The following ANKRD12 variants were observed in gnomAD, a reference collection of about 807,000 sequenced individuals.
ANKRD12 encodes the protein ankyrin repeat domain 12, also known as ankyrin repeat domain-containing protein 12.
Under a neutral mutation model 183.4 loss-of-function variants are expected in ANKRD12, and 85 were observed. The ratio of observed to expected loss-of-function variants is 0.46; its 90% CI spans 0.39 to 0.56. ANKRD12 has a LOEUF of 0.56. Among genes scored for constraint, ANKRD12 ranks in the 20% least tolerant of loss-of-function variants. The probability of loss-of-function intolerance (pLI) is 0.00; values close to 1 mark genes in which losing one functional copy is unlikely to be tolerated. For synonymous variants in ANKRD12, 914 were observed against 800.2 expected (o/e 1.14, Z -2.40); for missense variants, 2,405 against 2,357.1 (o/e 1.02, Z -0.42).
intron 8 of ANKRD12, among the ~76,000 whole-genome samples, chr18:9,242,909 C>T (rs2037744853): frequency 6.6e-6 from 1 of 152,152 alleles, no homozygotes; most frequent in Non-Finnish European, 1.5e-5. Context: ...ATCTGGCATA[C>T]TTACCTCTGA....
intron 8 of ANKRD12, among the ~76,000 whole-genome samples, chr18:9,247,979 GT>G (rs1291553055): frequency 2.0e-5 from 3 of 152,066 alleles, no homozygotes; most frequent in Admixed American, 6.6e-5. Context: ...TAGAGACAGC[GT>G]TTCACCACAT....
chr18:9,230,529 C>T (rs1280525264), intron 8 of ANKRD12, among the ~76,000 whole-genome samples: 2 of 151,674 alleles, frequency 1.3e-5, no homozygotes, highest in Non-Finnish European at 2.9e-5. Context: ...TTTTTTAGTA[C>T]CTTGAGGTGT....
At chr18:9,218,117 G>T (rs1295000602) in intron 7 of ANKRD12, among the ~76,000 whole-genome samples, 1 of 152,144 alleles carries the variant, frequency 6.6e-6, no homozygotes. Context: ...GATAATAAAG[G>T]TTTCCCGATT....
In ANKRD12 at chr18:9,256,660, T is replaced by C; in HGVS notation, c.3393T>C (p.Thr1131=). The C allele has an allele frequency of 6.2e-7, 1 of 1,607,140 alleles. No homozygotes were observed. Among genetic ancestry groups the C allele is most frequent in the Non-Finnish European group, 8.5e-7 (1 of 1,178,436 alleles). Residue 1131 remains threonine (T), a synonymous_variant, in exon 9 of 13, where the codon ACT becomes ACC. Coordinates refer to ENST00000262126, the MANE Select transcript of ANKRD12 (RefSeq NM_015208.5). ...KDKEKTKHTP[T]ESKNKELTRS... ...AAGAAAAAACAAAGCATACACCAAC[T>C]GAATCCAAAAATAAAGAACTTACTA...
Position 9,281,750 on chromosome 18 carries a change from G to A in ANKRD12, c.*624G>A, listed in dbSNP as rs909842674. Reference sequence around the variant, plus strand: ...AAAGAAATACCTGTAAAACTGTTTTGTCTCATGTTTTATTGGACCAAAGTT... The same window carrying A: ...AAAGAAATACCTGTAAAACTGTTTTATCTCATGTTTTATTGGACCAAAGTT... On this transcript the variant is annotated 3_prime_UTR_variant, in exon 13 of 13. Coordinates refer to ENST00000262126, the MANE Select transcript of ANKRD12 (RefSeq NM_015208.5). The A allele has an allele frequency of 2.0e-5, 3 of 152,592 alleles. No homozygotes were observed. The highest frequency in any genetic ancestry group is 7.2e-5 in the African/African-American group (3 of 41,434). The allele number at this position is 152,592 out of a possible 1,614,324, so 9.5% of individuals were successfully genotyped here.
intron 5 of ANKRD12, among the ~76,000 whole-genome samples, chr18:9,209,512 G>T (rs1351002036): frequency 6.6e-6 from 1 of 152,118 alleles, no homozygotes; most frequent in Non-Finnish European, 1.5e-5. Flanking sequence ...AGTTTTTCCT[G>T]TATTGCCTCT....
Position 9,285,591 on chromosome 18 carries a change from A to G in ANKRD12, c.*4465A>G, listed in dbSNP as rs183633339. On this transcript the variant is annotated 3_prime_UTR_variant, in exon 13 of 13. Transcript: ENST00000262126. Reference sequence around the variant, plus strand: ...CAATAAAATTACCCAGATCTTAACTAGGCAGTTTGATAAATCCTGACAAAT... The same window carrying G: ...CAATAAAATTACCCAGATCTTAACTGGGCAGTTTGATAAATCCTGACAAAT... 170 of 152,288 alleles carry G rather than the reference A, an allele frequency of 1.1e-3. 1 individual carries two copies. The highest frequency in any genetic ancestry group is 3.9e-3 in the African/African-American group (160 of 41,556). The allele number at this position is 152,288 out of a possible 1,614,324, so 9.4% of individuals were successfully genotyped here.
At chr18:9,227,662 A>G (rs909606776) in intron 8 of ANKRD12, among the ~76,000 whole-genome samples, 6 of 152,222 alleles carry the variant, frequency 3.9e-5, no homozygotes, top group African/African-American at 1.4e-4. Flanking sequence ...TGAGTTTATT[A>G]TGATGATTTT....
intron 1 of ANKRD12, among the ~76,000 whole-genome samples, chr18:9,153,252 T>A (rs959354620): frequency 4.6e-5 from 7 of 152,264 alleles, no homozygotes; most frequent in African/African-American, 1.4e-4. Context: ...CCCTCAGGTA[T>A]AGCTGATAGC....
chr18:9,141,215 T>TGTGGTG (rs56166909), intron 1 of ANKRD12, among the ~76,000 whole-genome samples: 7 of 151,198 alleles, frequency 4.6e-5, no homozygotes, highest in African/African-American at 9.7e-5. Context: ...TACTTGTTGC[T>TGTGGTG]GTGGTGGTGG....
chr18:9,173,067 ATTTTTTT>A (rs35322750), intron 1 of ANKRD12, among the ~76,000 whole-genome samples: 3 of 122,238 alleles, frequency 2.5e-5, no homozygotes, highest in Non-Finnish European at 3.4e-5. Flanking sequence ...GAGGTTGCTG[ATTTTTTT>A]TTTTTTTTTT....
intron 8 of ANKRD12, among the ~76,000 whole-genome samples, chr18:9,230,426 C>G (rs2036973652): frequency 6.6e-6 from 1 of 151,942 alleles, no homozygotes; most frequent in Non-Finnish European, 1.5e-5. Flanking sequence ...TTCCATAGAT[C>G]CTTTGCATTT....
At chr18:9,141,141 A>T (rs886841241) in intron 1 of ANKRD12, among the ~76,000 whole-genome samples, 2 of 152,148 alleles carry the variant, frequency 1.3e-5, no homozygotes, top group African/African-American at 4.8e-5. Flanking sequence ...GTCAAAAAAG[A>T]AAAGAAGTAC....
At chr18:9,214,058 A>G (rs147810595) in intron 6 of ANKRD12, among the ~76,000 whole-genome samples, 112 of 151,966 alleles carry the variant, frequency 7.4e-4, no homozygotes, top group African/African-American at 2.5e-3. Context: ...GTCTACTTAT[A>G]TGTGGATTTT....
chr18:9,243,572 C>T (rs893944261), intron 8 of ANKRD12, among the ~76,000 whole-genome samples: 6 of 152,010 alleles, frequency 3.9e-5, no homozygotes, highest in Admixed American at 1.3e-4. Flanking sequence ...AGTGGATCCA[C>T]CAACCATAAC....
chr18:9,142,481 A>G (rs1040831650), intron 1 of ANKRD12, among the ~76,000 whole-genome samples: 9 of 152,118 alleles, frequency 5.9e-5, no homozygotes, highest in Admixed American at 2.6e-4. Context: ...ATGCACTTCT[A>G]TTTTCTCCCA....
At chr18:9,268,579 T>G (rs1310991736) in intron 10 of ANKRD12, among the ~76,000 whole-genome samples, 22 of 152,182 alleles carry the variant, frequency 1.4e-4, no homozygotes, top group Non-Finnish European at 2.9e-4. Flanking sequence ...CAACCCTTCA[T>G]GCTAAAAACT....
chr18:9,261,125 C>T (rs1021943503), intron 9 of ANKRD12, among the ~76,000 whole-genome samples: 1 of 152,196 alleles, frequency 6.6e-6, no homozygotes, highest in African/African-American at 2.4e-5. Context: ...CAATAGTAAG[C>T]TGCTTCCTCA....
At chr18:9,188,795 T>C (rs2034270097) in intron 2 of ANKRD12, among the ~76,000 whole-genome samples, 1 of 152,244 alleles carries the variant, frequency 6.6e-6, no homozygotes, top group African/African-American at 2.4e-5. Context: ...GGCACCACAC[T>C]GTATGCAGAA....
Sources: gnomAD v4.1 joint callset for allele counts (sites outside exome capture counted in the v4.1 genomes callset) on GRCh38, gnomAD v4.1.1 for gene constraint, MANE v1.5 for transcripts, NCBI Gene and HGNC (gene_info 2026-07-23, HGNC 2026-07-21) for gene names.